The following CAMKV variants were observed in gnomAD, a reference collection of about 807,000 sequenced individuals.
The protein encoded by CAMKV is CaM kinase like vesicle associated, also known as caM kinase-like vesicle-associated protein.
A neutral mutation model predicts 50.2 loss-of-function variants in CAMKV; 5 were observed. That is an observed-to-expected ratio of 0.10 (90% CI 0.05 to 0.21). The LOEUF (loss-of-function observed/expected upper bound fraction) is 0.21, where lower values mean the gene tolerates loss of function less well. Ranked by LOEUF, CAMKV falls within the 10% of genes least tolerant of loss-of-function variation. The probability of loss-of-function intolerance (pLI) is 1.00; values close to 1 mark genes in which losing one functional copy is unlikely to be tolerated. For missense variants in CAMKV, 361 were observed against 650.5 expected (o/e 0.55, Z 4.84); for synonymous variants, 229 against 250.1 (o/e 0.92, Z 0.80).
chr3:49,868,491 G>T (rs1369693933), intron 1 of CAMKV, among the ~76,000 whole-genome samples: 1 of 152,238 alleles, frequency 6.6e-6, no homozygotes, highest in Non-Finnish European at 1.5e-5. Flanking sequence ...TCCCAGGGCA[G>T]AGGACTGCTT....
rs934957635 is a variant in CAMKV, at chr3:49,859,651, A to C, written c.1173T>G (p.Asp391Glu). 6.2e-7 allele frequency: 1 copy of C among 1,613,924 alleles called. No individual in the cohort carries two copies. The highest frequency in any genetic ancestry group is 8.5e-7 in the Non-Finnish European group (1 of 1,179,928). Residue 391 changes from aspartate (D) to glutamate (E), a missense_variant, in exon 11 of 11, where the codon GAT becomes GAG. Physicochemically the swap from Asp to Glu is conservative, Grantham distance 45 (BLOSUM62 2). Coordinates refer to ENST00000477224, the MANE Select transcript of CAMKV (RefSeq NM_024046.5). This position sits in a 1 kb window ranked among gnomAD's most constrained non-coding sequence, Gnocchi z 5.5. ...PADRSATPAT[D>E]GSATPATDGS... The stretch of plus-strand genomic sequence containing the variant: ...CATCAGTGGCTGGGGTGGCACTTCC[A>C]TCTGTGGCTGGGGTGGCACTACGGT...
rs1194043435 is a variant in CAMKV, at chr3:49,869,584, C to T, written c.-15+174G>A. Among the ~76,000 whole-genome samples, 1 of 152,200 alleles carries T rather than the reference C, an allele frequency of 6.6e-6. No homozygotes were observed. The highest frequency in any genetic ancestry group is 2.4e-5 in the African/African-American group (1 of 41,462). ...AGGTAATGGGGAACTTTAGCCCGAC[C>T]CCGCACTCCCTCCCCCAAATCTGCA... is the stretch of plus-strand genomic sequence containing the variant. On this transcript the variant is annotated intron_variant, in intron 1 of 10. Transcript: ENST00000477224. The surrounding 1 kb of genome is among the most constrained non-coding windows in gnomAD (Gnocchi z 5.2).
rs1468651328 is a variant in CAMKV, at chr3:49,861,463, G to C, written c.417C>G (p.Leu139=). 8 of 1,614,012 alleles carry C rather than the reference G, an allele frequency of 5.0e-6. No homozygotes were observed. The highest frequency in any genetic ancestry group is 6.8e-6 in the Non-Finnish European group (8 of 1,180,038). Residue 139 remains leucine, a synonymous_variant, in exon 5 of 11, where the codon CTC becomes CTG. Transcript: ENST00000477224. The surrounding 1 kb of genome is among the most constrained non-coding windows in gnomAD (Gnocchi z 7.7). Reference sequence around the variant, plus strand: ...CCTTGAGATTCCTGTGCACGATCTTGAGTGAGTGCAAATAGGCCACGGCCT... The same window carrying C: ...CCTTGAGATTCCTGTGCACGATCTTCAGTGAGTGCAAATAGGCCACGGCCT... ...VLEAVAYLHS[L]KIVHRNLKLE...
Position 49,862,532 on chromosome 3 carries a change from A to C in CAMKV, c.-14-130T>G. On this transcript the variant is annotated intron_variant, in intron 1 of 10. Coordinates refer to ENST00000477224, the MANE Select transcript of CAMKV (RefSeq NM_024046.5). This position sits in a 1 kb window ranked among gnomAD's most constrained non-coding sequence, Gnocchi z 5.2. ...CAGAGACCATACCAGGAGGGGCTAG[A>C]GGATAGGCAGGCTTAGATCCTACCC... is the stretch of plus-strand genomic sequence containing the variant. 1 of 743,606 alleles carries C rather than the reference A, an allele frequency of 1.3e-6. No individual in the cohort carries two copies. 46.1% of individuals were successfully genotyped at this position (743,606 alleles called of 1,614,324 possible).
rs1323093046 is a variant in CAMKV at position 49,862,286 on chromosome 3, G to A, written c.95+8C>T. The A allele has an allele frequency of 2.5e-6, 4 of 1,614,040 alleles. No individual in the cohort carries two copies. Among genetic ancestry groups the A allele is most frequent in the African/African-American group, 1.3e-5 (1 of 74,948 alleles). ...CACCCAGCCTTGCCTGACAGGCCCGGCACTCACGTCTTGATGACCTGTCCC... is the reference window on the plus strand; with the variant it reads ...CACCCAGCCTTGCCTGACAGGCCCGACACTCACGTCTTGATGACCTGTCCC... On this transcript the variant is annotated splice_region_variant and intron_variant, in intron 2 of 10. Transcript: ENST00000477224. This position sits in a 1 kb window ranked among gnomAD's most constrained non-coding sequence, Gnocchi z 5.2.
rs1212263415 is a variant in CAMKV, at chr3:49,861,110, C to T, written c.562+70G>A. 5.6e-6 allele frequency: 9 copies of T among 1,595,062 alleles called. No homozygotes were observed. The highest frequency in any genetic ancestry group is 7.7e-6 in the Non-Finnish European group (9 of 1,170,178). On this transcript the variant is annotated intron_variant, in intron 6 of 10. Coordinates refer to ENST00000477224, the MANE Select transcript of CAMKV (RefSeq NM_024046.5). This position sits in a 1 kb window ranked among gnomAD's most constrained non-coding sequence, Gnocchi z 7.7. ...GCTTCCTGAGATGAGCACATTTTCC[C>T]CCTGCCCAGAGCAGCTCCCTGAAGG...
rs767803264 is a variant in CAMKV at position 49,869,056 on chromosome 3, G to A, written c.-15+702C>T. On this transcript the variant is annotated intron_variant, in intron 1 of 10. Transcript: ENST00000477224. The surrounding 1 kb of genome is among the most constrained non-coding windows in gnomAD (Gnocchi z 5.2). ...AGCCAGGGGCCCTGCTCCCCACCGT[G>A]CTGCCACCCTGACCCCTTTCCCAAG... Among the ~76,000 whole-genome samples the A allele has an allele frequency of 6.6e-6, 1 of 152,214 alleles. No homozygotes were observed. Among genetic ancestry groups the A allele is most frequent in the East Asian group, 1.9e-4 (1 of 5,198 alleles).
chr3:49,859,808 G>A lies in CAMKV; in HGVS notation c.1016C>T (p.Ser339Leu), dbSNP rs780173738. Reference protein sequence around the residue: ...PEQSSTAAAQSASATDTATPG... With the variant: ...PEQSSTAAAQLASATDTATPG... ...GGTGGCAGTGTCTGTGGCTGAGGCC[G>A]ACTGGGCTGCAGCCGTGCTGGACTG... Residue 339 changes from serine (S) to leucine (L), a missense_variant, in exon 11 of 11, where the codon TCG becomes TTG. Ser to Leu is a moderately radical substitution (Grantham distance 145). Coordinates refer to ENST00000477224, the MANE Select transcript of CAMKV (RefSeq NM_024046.5). The surrounding 1 kb of genome is among the most constrained non-coding windows in gnomAD (Gnocchi z 5.5). 50 of 1,545,990 alleles carry A rather than the reference G, an allele frequency of 3.2e-5. 1 individual carries two copies. The East Asian group carries it at 7.4e-4, about 23-fold the overall frequency.
rs776847661 is a variant in CAMKV at position 49,859,423 on chromosome 3, C to T, written c.1401G>A (p.Pro467=). ...AATPEPAMAQ[P]DSTAPEGATG... is the part of the protein sequence containing the mutation. ...TGGCGCCCTCTGGGGCTGTGCTGTC[C>T]GGCTGGGCCATAGCCGGCTCAGGGG... Residue 467 remains proline, a synonymous_variant, in exon 11 of 11, where the codon CCG becomes CCA. Coordinates refer to ENST00000477224, the MANE Select transcript of CAMKV (RefSeq NM_024046.5). This position sits in a 1 kb window ranked among gnomAD's most constrained non-coding sequence, Gnocchi z 5.5. The T allele has an allele frequency of 3.4e-5, 55 of 1,611,614 alleles. No homozygotes were observed. The highest frequency in any genetic ancestry group is 1.1e-4 in the African/African-American group (8 of 74,908).
Position 49,861,888 on chromosome 3 carries a change from G to T in CAMKV, c.228-23C>A. On this transcript the variant is annotated intron_variant, in intron 3 of 10. Transcript: ENST00000477224. The surrounding 1 kb of genome is among the most constrained non-coding windows in gnomAD (Gnocchi z 7.7). ...ACCCTGGCGACAGGGAGGGGAGCCAGTAGTTAGGGCTGGATGAACCCCTGG... is the reference window on the plus strand; with the variant it reads ...ACCCTGGCGACAGGGAGGGGAGCCATTAGTTAGGGCTGGATGAACCCCTGG... 1 of 1,613,108 alleles carries T rather than the reference G, an allele frequency of 6.2e-7. No individual in the cohort carries two copies. The highest frequency in any genetic ancestry group is 8.5e-7 in the Non-Finnish European group (1 of 1,179,494).
At position 49,858,579 on chromosome 3, in the gene CAMKV, T is replaced by C; in HGVS notation, c.*739A>G. ...ACGTCCTAATTGTTCCTCCTTTCCC[T>C]TAGAGGCTCATGAGGTTCAGGGTAC... is the stretch of plus-strand genomic sequence containing the variant. On this transcript the variant is annotated 3_prime_UTR_variant, in exon 11 of 11. Transcript: ENST00000477224. 2.6e-6 allele frequency: 1 copy of C among 383,822 alleles called. No homozygotes were observed. Among genetic ancestry groups the C allele is most frequent in the Non-Finnish European group, 4.6e-6 (1 of 217,424 alleles). The allele number at this position is 383,822 out of a possible 1,614,324, so 23.8% of individuals were successfully genotyped here.
Position 49,861,154 on chromosome 3 carries a change from C to A in CAMKV, c.562+26G>T. 6.3e-7 allele frequency: 1 copy of A among 1,593,934 alleles called. No homozygotes were observed. The highest frequency in any genetic ancestry group is 1.7e-5 in the Admixed American group (1 of 57,744). ...CTGAAGGCTGCCCCCCATTATCCCC[C>A]TGCCCCTGCCCCACCCCCTGCTTGC... On this transcript the variant is annotated intron_variant, in intron 6 of 10. Transcript: ENST00000477224. The surrounding 1 kb of genome is among the most constrained non-coding windows in gnomAD (Gnocchi z 7.7).
At position 49,858,245 on chromosome 3, in the gene CAMKV, G is replaced by C. The variant is rs2081992786; in HGVS notation, c.*1073C>G. ...CTCATCCCAGAAAAAGCAACTCAAT[G>C]TGGCTCTGAGGCACCTGGGCCTCTG... On this transcript the variant is annotated 3_prime_UTR_variant, in exon 11 of 11. Coordinates refer to ENST00000477224, the MANE Select transcript of CAMKV (RefSeq NM_024046.5). 2.5e-6 allele frequency: 1 copy of C among 398,556 alleles called. No individual in the cohort carries two copies. The allele number at this position is 398,556 out of a possible 1,614,324, so 24.7% of individuals were successfully genotyped here. A position where few individuals can be genotyped will look rare whatever the true frequency, so the allele number is the denominator to read the frequency against.
rs149832412 is a variant in CAMKV, at chr3:49,869,164, G to A, written c.-15+594C>T. On this transcript the variant is annotated intron_variant, in intron 1 of 10. Coordinates refer to ENST00000477224, the MANE Select transcript of CAMKV (RefSeq NM_024046.5). The surrounding 1 kb of genome is among the most constrained non-coding windows in gnomAD (Gnocchi z 5.2). ...GCACCAAGCCCCGCACCTCCCAGCA[G>A]GAACATGTGCGCCCCCACCCCCACC... 3.4e-3 allele frequency among the ~76,000 whole-genome samples: 525 copies of A among 152,216 alleles called. 2 individuals carry two copies. The highest frequency in any genetic ancestry group is 0.012 in the African/African-American group (501 of 41,538).
rs777295134 is a variant in CAMKV at position 49,861,105 on chromosome 3, T to A, written c.562+75A>T. 5 of 1,598,086 alleles carry A rather than the reference T, an allele frequency of 3.1e-6. No homozygotes were observed. In the South Asian group the frequency reaches 5.6e-5, roughly 18 times the overall value. On this transcript the variant is annotated intron_variant, in intron 6 of 10. Coordinates refer to ENST00000477224, the MANE Select transcript of CAMKV (RefSeq NM_024046.5). The surrounding 1 kb of genome is among the most constrained non-coding windows in gnomAD (Gnocchi z 7.7). Reference sequence around the variant, plus strand: ...CACCAGCTTCCTGAGATGAGCACATTTTCCCCCTGCCCAGAGCAGCTCCCT... The same window carrying A: ...CACCAGCTTCCTGAGATGAGCACATATTCCCCCTGCCCAGAGCAGCTCCCT...
Position 49,862,302 on chromosome 3 carries a change from G to A in CAMKV, c.87C>T (p.Val29=), listed in dbSNP as rs748001487. The change falls in exon 2 of 11, where the codon GTC becomes GTT. Residue 29 remains valine (V), a synonymous_variant. Coordinates refer to ENST00000477224, the MANE Select transcript of CAMKV (RefSeq NM_024046.5). The surrounding 1 kb of genome is among the most constrained non-coding windows in gnomAD (Gnocchi z 5.2). ...EVTDRYDLGQ[V]IKTEEFCEIF... ...ACAGGCCCGGCACTCACGTCTTGAT[G>A]ACCTGTCCCAAATCATATCTGTCAG... The A allele has an allele frequency of 1.2e-6, 2 of 1,614,198 alleles. No individual in the cohort carries two copies. Among genetic ancestry groups the A allele is most frequent in the Non-Finnish European group, 1.7e-6 (2 of 1,180,028 alleles).
At chr3:49,865,233 T>A (rs1419003053) in intron 1 of CAMKV, among the ~76,000 whole-genome samples, 1 of 152,100 alleles carries the variant, frequency 6.6e-6, no homozygotes. Flanking sequence ...CAGAATCCCA[T>A]CCTCACAGCT....
Position 49,860,523 on chromosome 3 carries a change from C to T in CAMKV, c.802G>A (p.Glu268Lys). 6.2e-7 allele frequency: 1 copy of T among 1,613,580 alleles called. No homozygotes were observed. ...AAKDLVTRLMEVEQDQRITAE... is the reference protein window; with the variant it reads ...AAKDLVTRLMKVEQDQRITAE... ...GTGATCCGCTGGTCTTGCTCCACCT[C>T]CATCAGCCTTGTGACCAGGTCTTTG... Residue 268 changes from glutamate (E) to lysine (K), a missense_variant, in exon 9 of 11, where the codon GAG (glutamate) becomes AAG (lysine). By Grantham distance (56) the Glu-to-Lys change is moderately conservative. Transcript: ENST00000477224. This position sits in a 1 kb window ranked among gnomAD's most constrained non-coding sequence, Gnocchi z 6.1.
intron 1 of CAMKV, among the ~76,000 whole-genome samples, chr3:49,865,372 C>T (rs1164758246): frequency 2.6e-5 from 4 of 152,216 alleles, no homozygotes; most frequent in Non-Finnish European, 5.9e-5. Flanking sequence ...GGTACCTTAG[C>T]CTGCAGTCTC....
Sources: gnomAD v4.1 joint callset for allele counts (sites outside exome capture counted in the v4.1 genomes callset) on GRCh38, gnomAD v4.1.1 for gene constraint, Gnocchi (gnomAD v3.1) non-coding constraint, MANE v1.5 for transcripts, NCBI Gene and HGNC (gene_info 2026-07-23, HGNC 2026-07-21) for gene names.